Variants in LRRC36 observed in about 807,000 individuals in gnomAD.
LRRC36 encodes the protein leucine-rich repeat-containing protein 36.
In LRRC36, 62 loss-of-function variants were observed where a neutral mutation model predicts 81.1. The observed-to-expected ratio is 0.76, with a 90% confidence interval of 0.62 to 0.94. The LOEUF is 0.94. Ranked by LOEUF, LRRC36 falls within the 40% of genes least tolerant of loss-of-function variation. LRRC36 has a pLI of 0.00. For synonymous variants in LRRC36, 334 were observed against 348.6 expected (o/e 0.96, Z 0.47); for missense variants, 761 against 881.7 (o/e 0.86, Z 1.73).
chr16:67,365,781 C>T (rs940542419), intron 7 of LRRC36, among the ~76,000 whole-genome samples: 4 of 152,006 alleles, frequency 2.6e-5, no homozygotes, highest in Non-Finnish European at 5.9e-5. Context: ...ATTCAAAAAC[C>T]GTACAGTACT....
intron 5 of LRRC36, among the ~76,000 whole-genome samples, chr16:67,352,371 A>G (rs564766761): frequency 6.6e-6 from 1 of 152,306 alleles, no homozygotes; most frequent in Admixed American, 6.5e-5. Flanking sequence ...GCTAGGAGAA[A>G]ACTTTCTGGA....
chr16:67,336,638 T>C (rs1260322862), intron 1 of LRRC36: 1 of 152,218 alleles, frequency 6.6e-6, no homozygotes, highest in Non-Finnish European at 1.5e-5. Flanking sequence ...TATTGCTTTT[T>C]AGAGACAGGT....
intron 7 of LRRC36, among the ~76,000 whole-genome samples, chr16:67,365,724 C>T (rs2039354590): frequency 6.6e-6 from 1 of 152,180 alleles, no homozygotes; most frequent in African/African-American, 2.4e-5. Flanking sequence ...GTATCCTTAA[C>T]TTACATAATT....
At chr16:67,378,845 C>A in intron 12 of LRRC36, 133 bp downstream of exon 12, 5 of 924,254 alleles carry the variant, frequency 5.4e-6, no homozygotes, top group Non-Finnish European at 8.1e-6. Flanking sequence ...GTTTTCCTGG[C>A]AGTTAACAGA....
intron 5 of LRRC36, among the ~76,000 whole-genome samples, chr16:67,360,137 A>G (rs2142075606): frequency 6.6e-6 from 1 of 152,206 alleles, no homozygotes; most frequent in East Asian, 1.9e-4. Context: ...AAAAAAAAAA[A>G]AAAGAAAAGA....
intron 5 of LRRC36, among the ~76,000 whole-genome samples, chr16:67,352,286 G>T (rs1443987333): frequency 6.6e-6 from 1 of 152,240 alleles, no homozygotes; most frequent in Non-Finnish European, 1.5e-5. Context: ...ATTCCCTGGG[G>T]AGTGTTGCCA....
chr16:67,374,004 C>A (rs2039775465), intron 9 of LRRC36, among the ~76,000 whole-genome samples: 1 of 151,806 alleles, frequency 6.6e-6, no homozygotes, highest in Admixed American at 6.6e-5. Flanking sequence ...TAGAGCAAGA[C>A]TCTATCTCAA....
In LRRC36 at chr16:67,367,435, A is replaced by G. The variant is rs762249905; in HGVS notation, c.1173A>G (p.Gly391=). The change falls in exon 8 of 14, where the codon GGA becomes GGG. Residue 391 remains glycine, a synonymous_variant. Coordinates refer to ENST00000329956, the MANE Select transcript of LRRC36 (RefSeq NM_018296.6). ...TSLSNPDSST[G]RLLKLSSDLY... Reference sequence around the variant, plus strand: ...TGTCAAACCCTGACTCCAGCACTGGAAGGCTTTTGAAGCTTAGTTCAGGTA... The same window carrying G: ...TGTCAAACCCTGACTCCAGCACTGGGAGGCTTTTGAAGCTTAGTTCAGGTA... The G allele has an allele frequency of 1.9e-6, 3 of 1,612,598 alleles. No homozygotes were observed. The highest frequency in any genetic ancestry group is 2.5e-6 in the Non-Finnish European group (3 of 1,179,422).
rs762927197 is a variant in LRRC36, at chr16:67,375,319, C to G, written c.1567C>G (p.Pro523Ala). 2.5e-6 allele frequency: 4 copies of G among 1,612,788 alleles called. No homozygotes were observed. The highest frequency in any genetic ancestry group is 1.7e-6 in the Non-Finnish European group (2 of 1,179,694). The change falls in exon 10 of 14, where the codon CCC (proline) becomes GCC (alanine). Residue 523 changes from proline to alanine, a missense_variant. Around this residue, in one of 3 missense-constraint regions of LRRC36, gnomAD observed 359 missense variants for 388.4 expected, o/e 0.92. Transcript: ENST00000329956. ...NHSPPISART[P>A]HVATVLRQLL... ...CAGTCCCCCCATCTCTGCCAGAACC[C>G]CCCATGTGGCCACTGTCCTCAGACA...
At chr16:67,370,207 A>G (rs1358609512) in intron 8 of LRRC36, among the ~76,000 whole-genome samples, 1 of 152,176 alleles carries the variant, frequency 6.6e-6, no homozygotes, top group Non-Finnish European at 1.5e-5. Context: ...GTGATCATGT[A>G]GATGTTTTCT....
At chr16:67,349,803 C>G (rs1202841400) in intron 4 of LRRC36, among the ~76,000 whole-genome samples, 1 of 151,986 alleles carries the variant, frequency 6.6e-6, no homozygotes, top group Non-Finnish European at 1.5e-5. Context: ...CTCTGTCACC[C>G]AAACTGGAGT....
At chr16:67,332,748 G>C (rs915210496) in intron 1 of LRRC36, among the ~76,000 whole-genome samples, 1 of 151,980 alleles carries the variant, frequency 6.6e-6, no homozygotes, top group African/African-American at 2.4e-5. Context: ...GAAATGCTGT[G>C]GGTCATTGAT....
chr16:67,341,973 T>C lies in LRRC36; in HGVS notation c.87T>C (p.Leu29=). 3.1e-6 allele frequency: 5 copies of C among 1,611,222 alleles called. No homozygotes were observed. Among genetic ancestry groups the C allele is most frequent in the Non-Finnish European group, 3.4e-6 (4 of 1,178,168 alleles). The change falls in exon 2 of 14, where the codon CTT becomes CTC. Residue 29 remains leucine, a synonymous_variant. Coordinates refer to ENST00000329956, the MANE Select transcript of LRRC36 (RefSeq NM_018296.6). ...TLEQPELVES[L]SLQGSYAGKI... is the part of the protein sequence containing the mutation. ...TCTTTTCAGAACTGGTGGAGTCTCTTTCATTGCAGGGATCTTATGCTGGCA... is the reference window on the plus strand; with the variant it reads ...TCTTTTCAGAACTGGTGGAGTCTCTCTCATTGCAGGGATCTTATGCTGGCA...
intron 4 of LRRC36, among the ~76,000 whole-genome samples, chr16:67,347,987 G>A (rs557209900): frequency 3.9e-5 from 6 of 152,274 alleles, no homozygotes; most frequent in African/African-American, 1.4e-4. Context: ...AGATAAATTT[G>A]TTAAAGGAAG....
At chr16:67,366,661 AATCGCTTCCCTCT>A (rs1191096390) in intron 7 of LRRC36, among the ~76,000 whole-genome samples, 3 of 152,026 alleles carry the variant, frequency 2.0e-5, no homozygotes, top group Non-Finnish European at 4.4e-5. Flanking sequence ...GAGGTACGAG[AATCGCTTCCCTCT>A]GGGAAGCGAA....
At chr16:67,373,002 G>A (rs1262559950) in intron 9 of LRRC36, among the ~76,000 whole-genome samples, 1 of 152,052 alleles carries the variant, frequency 6.6e-6, no homozygotes, top group African/African-American at 2.4e-5. Flanking sequence ...GCATATTTGG[G>A]ATGTTATATT....
chr16:67,371,570 C>T (rs1047268892), intron 9 of LRRC36: 2 of 349,260 alleles, frequency 5.7e-6, no homozygotes, highest in African/African-American at 4.2e-5. Context: ...TGAAATAGTT[C>T]TTATAAAAGC....
At chr16:67,328,624 T>C (rs1202167903) in intron 1 of LRRC36, among the ~76,000 whole-genome samples, 1 of 152,228 alleles carries the variant, frequency 6.6e-6, no homozygotes, top group Non-Finnish European at 1.5e-5. Context: ...CTGTTACCAG[T>C]ATCTTGGATA....
At chr16:67,355,802 C>G (rs2038879079) in intron 5 of LRRC36, among the ~76,000 whole-genome samples, 1 of 152,122 alleles carries the variant, frequency 6.6e-6, no homozygotes, top group Non-Finnish European at 1.5e-5. Context: ...GCTACAGAAG[C>G]CCACTGTGTG....
Sources: gnomAD v4.1 joint callset for allele counts (sites outside exome capture counted in the v4.1 genomes callset) on GRCh38, gnomAD v4.1.1 for gene constraint, gnomAD v4.1.1 regional missense constraint, MANE v1.5 for transcripts, NCBI Gene and HGNC (gene_info 2026-07-23, HGNC 2026-07-21) for gene names.